Variants in BRAF observed in about 807,000 individuals in gnomAD.
BRAF encodes the protein B-Raf proto-oncogene, serine/threonine kinase, also known as serine/threonine-protein kinase B-raf.
Under a neutral mutation model 104.6 loss-of-function variants are expected in BRAF, and 16 were observed. That is an observed-to-expected ratio of 0.15 (90% confidence interval 0.10 to 0.23). BRAF has a LOEUF of 0.23. Ranked by LOEUF, BRAF falls within the 10% of genes least tolerant of loss-of-function variation. The pLI is 1.00. For missense variants in BRAF, 541 were observed against 937.3 expected, an observed-to-expected ratio of 0.58 and a Z score of 5.52; for synonymous variants, 310 against 341.6, an observed-to-expected ratio of 0.91 and a Z score of 1.02.
chr7:140,801,710 C>T (rs888155981), intron 5 of BRAF, 150 bp from the exon 6 acceptor site: 32 of 912,620 alleles, frequency 3.5e-5, no homozygotes, highest in Admixed American at 5.3e-5. Flanking sequence ...AAATGAAAAC[C>T]GGGGGTTCAA....
chr7:140,810,470 T>C (rs1460337199), intron 3 of BRAF, among the ~76,000 whole-genome samples: 1 of 152,140 alleles, frequency 6.6e-6, no homozygotes, highest in Admixed American at 6.5e-5. Flanking sequence ...CTCAGGTGGC[T>C]GAGGCACGAT....
intron 3 of BRAF, among the ~76,000 whole-genome samples, chr7:140,820,600 C>T (rs994572386): frequency 1.3e-5 from 2 of 151,992 alleles, no homozygotes; most frequent in African/African-American, 4.8e-5. Context: ...AGGGAATATC[C>T]CCATCCCTCC....
intron 4 of BRAF, 50 bp from the exon 5 acceptor site, chr7:140,808,112 T>C: frequency 2.9e-6 from 4 of 1,356,608 alleles, no homozygotes; most frequent in Non-Finnish European, 4.2e-6. Context: ...CTAAAAATAT[T>C]CATATACCTC....
At chr7:140,755,594 C>G (rs1309884264) in intron 14 of BRAF, among the ~76,000 whole-genome samples, 1 of 152,124 alleles carries the variant, frequency 6.6e-6, no homozygotes, top group Non-Finnish European at 1.5e-5. Flanking sequence ...ATAGCATTTA[C>G]TACAATTGAA....
At chr7:140,923,478 A>C (rs558758825) in intron 1 of BRAF, among the ~76,000 whole-genome samples, 14 of 152,350 alleles carry the variant, frequency 9.2e-5, no homozygotes, top group African/African-American at 3.4e-4. Context: ...ACAGGCTGAG[A>C]GAAGCAAGGA....
At chr7:140,914,223 T>C (rs1327681126) in intron 1 of BRAF, among the ~76,000 whole-genome samples, 1 of 152,240 alleles carries the variant, frequency 6.6e-6, no homozygotes, top group Non-Finnish European at 1.5e-5. Context: ...AGCACTCCTA[T>C]GATCTACTTA....
chr7:140,773,993 C>A (rs534730947), intron 14 of BRAF, among the ~76,000 whole-genome samples: 9 of 152,340 alleles, frequency 5.9e-5, no homozygotes, highest in African/African-American at 2.2e-4. Context: ...TCACCTTAAT[C>A]TGAAACTCAT....
intron 17 of BRAF, among the ~76,000 whole-genome samples, chr7:140,745,400 A>G (rs1161650690): frequency 2.6e-5 from 4 of 152,206 alleles, no homozygotes; most frequent in South Asian, 4.1e-4. Flanking sequence ...GTTAGTGCAG[A>G]GCAGAAAGCA....
intron 17 of BRAF, among the ~76,000 whole-genome samples, chr7:140,748,426 C>T (rs1279262812): frequency 6.6e-6 from 1 of 152,136 alleles, no homozygotes; most frequent in Non-Finnish European, 1.5e-5. Context: ...GGACCCTCCC[C>T]ATTTAATTAC....
chr7:140,884,939 C>CA (rs1184512710), intron 1 of BRAF, among the ~76,000 whole-genome samples: 2 of 151,986 alleles, frequency 1.3e-5, no homozygotes, highest in East Asian at 1.9e-4. Flanking sequence ...TCCAAAACAA[C>CA]AAAAAACAAT....
intron 1 of BRAF, among the ~76,000 whole-genome samples, chr7:140,850,923 C>G (rs762977863): frequency 2.6e-5 from 4 of 152,094 alleles, no homozygotes; most frequent in Non-Finnish European, 4.4e-5. Context: ...AAAAGAAAGG[C>G]AAAGTTCTTT....
Position 140,725,169 on chromosome 7 carries a change from G to A in BRAF, c.*1325C>T, listed in dbSNP as rs1795531057. 1 of 1,042,666 alleles carries A rather than the reference G, an allele frequency of 9.6e-7. No homozygotes were observed. Among genetic ancestry groups the A allele is most frequent in the Non-Finnish European group, 1.2e-6 (1 of 864,976 alleles). 64.6% of individuals were successfully genotyped at this position (1,042,666 alleles called of 1,614,324 possible). On this transcript the variant is annotated 3_prime_UTR_variant, in exon 20 of 20. Coordinates refer to ENST00000644969, the MANE Select transcript of BRAF (RefSeq NM_001374258.1). ...GGAGACGCCACCATTTTTATTTTAG[G>A]TTGCATATTCTAGATAAAAGACTAG...
intron 17 of BRAF, among the ~76,000 whole-genome samples, chr7:140,743,201 G>A (rs1797073182): frequency 6.6e-6 from 1 of 151,158 alleles, no homozygotes; most frequent in South Asian, 2.1e-4. Context: ...AATACCATTT[G>A]ACCCAGCCAT....
At chr7:140,845,834 C>G (rs1336242219) in intron 2 of BRAF, among the ~76,000 whole-genome samples, 1 of 152,042 alleles carries the variant, frequency 6.6e-6, no homozygotes, top group South Asian at 2.1e-4. Context: ...CGCACCACTA[C>G]ACACACCTGA....
intron 1 of BRAF, among the ~76,000 whole-genome samples, chr7:140,863,966 A>T (rs1810675831): frequency 6.6e-6 from 1 of 152,206 alleles, no homozygotes; most frequent in Non-Finnish European, 1.5e-5. Flanking sequence ...ATCCCATTTT[A>T]TAGACGAGCA....
chr7:140,744,711 A>G (rs1797210574), intron 17 of BRAF, among the ~76,000 whole-genome samples: 1 of 152,186 alleles, frequency 6.6e-6, no homozygotes, highest in Non-Finnish European at 1.5e-5. Flanking sequence ...AAAAAGTTGT[A>G]TTTATCCACA....
At chr7:140,733,988 AT>A in intron 19 of BRAF, 1 of 1,029,040 alleles carries the variant, frequency 9.7e-7, no homozygotes, top group Non-Finnish European at 1.2e-6. Context: ...CCTCAGCAAT[AT>A]TTTTGGTCAC....
rs183525577 is a variant in BRAF, at chr7:140,898,321, G to T, written c.138+26245C>A. Among the ~76,000 whole-genome samples, 16 of 150,186 alleles carry T rather than the reference G, an allele frequency of 1.1e-4. No homozygotes were observed. In the South Asian group the frequency reaches 1.5e-3, roughly 14 times the overall value. The stretch of plus-strand genomic sequence containing the variant: ...AGTGGGAGGCCTGCCTCTTAAAAAA[G>T]AAATAAAAATAAATAAAAATACAAA... On this transcript the variant is annotated intron_variant, in intron 1 of 19. Transcript: ENST00000644969.
chr7:140,831,493 A>G (rs1806740867), intron 3 of BRAF, among the ~76,000 whole-genome samples: 1 of 152,150 alleles, frequency 6.6e-6, no homozygotes, highest in Non-Finnish European at 1.5e-5. Context: ...TTGTTTAGAA[A>G]ACGACTTTTA....
Sources: allele counts gnomAD v4.1 joint callset (sites outside exome capture counted in the v4.1 genomes callset), GRCh38; gene constraint gnomAD v4.1.1; transcripts MANE v1.5; gene names NCBI Gene and HGNC (gene_info 2026-07-23, HGNC 2026-07-21).